The following TMIGD3 variants were observed in gnomAD, a reference collection of about 807,000 sequenced individuals.
TMIGD3 encodes the protein AD026 protein (AD026).
In TMIGD3, 21 loss-of-function variants were observed where a neutral mutation model predicts 28.1. The observed-to-expected ratio is 0.75, with a 90% CI of 0.53 to 1.08. The LOEUF (loss-of-function observed/expected upper bound fraction) is 1.08. TMIGD3 is among the 50% of genes least tolerant of loss of function. The pLI is 0.00. For missense variants in TMIGD3, 416 were observed against 435.6 expected, an observed-to-expected ratio of 0.96 and a Z score of 0.40; for synonymous variants, 151 against 162.1, an observed-to-expected ratio of 0.93 and a Z score of 0.52.
At chr1:111,499,537 C>T in intron 1 of TMIGD3, 1 of 1,002,438 alleles carries the variant, frequency 1.0e-6, no homozygotes, top group Non-Finnish European at 1.2e-6. Context: ...CCTAGGCATC[C>T]TCCGAGAGCA....
intron 1 of TMIGD3, among the ~76,000 whole-genome samples, chr1:111,544,109 A>C (rs1656949794): frequency 6.6e-6 from 1 of 152,230 alleles, no homozygotes; most frequent in African/African-American, 2.4e-5. Context: ...CTAAAATAGC[A>C]GGCTCCCTTT....
intron 1 of TMIGD3, among the ~76,000 whole-genome samples, chr1:111,509,182 G>A (rs868639999): frequency 6.6e-6 from 1 of 152,162 alleles, no homozygotes; most frequent in Non-Finnish European, 1.5e-5. Flanking sequence ...AGACCAGGAG[G>A]GATTTGCCAG....
At chr1:111,508,234 G>A (rs942267184), upstream of TMIGD3, among the ~76,000 whole-genome samples, 5 of 152,216 alleles carry the variant, frequency 3.3e-5, no homozygotes, top group African/African-American at 1.2e-4. Context: ...TCCAGGCCCT[G>A]GGGGAAAGAG....
chr1:111,523,146 A>G (rs1340476199), intron 1 of TMIGD3, among the ~76,000 whole-genome samples: 1 of 152,182 alleles, frequency 6.6e-6, no homozygotes, highest in Non-Finnish European at 1.5e-5. Flanking sequence ...TATCCCATTG[A>G]GAATGTTTTT....
chr1:111,488,613 C>T, intron 3 of TMIGD3, 64 bp downstream of exon 3: 1 of 1,469,372 alleles, frequency 6.8e-7, no homozygotes, highest in Non-Finnish European at 9.3e-7. Context: ...AGAGAGTGCT[C>T]TCTTAGCAGC....
chr1:111,549,532 C>T (rs938449604), intron 1 of TMIGD3, among the ~76,000 whole-genome samples: 1 of 151,684 alleles, frequency 6.6e-6, no homozygotes, highest in Non-Finnish European at 1.5e-5. Context: ...CGCCTGTAGT[C>T]CCAGCTACTA....
intron 1 of TMIGD3, among the ~76,000 whole-genome samples, chr1:111,518,050 C>T (rs997377500): frequency 1.6e-4 from 25 of 152,312 alleles, no homozygotes; most frequent in Middle Eastern, 6.8e-3. Context: ...TACTCAAGAA[C>T]ACATATGCAG....
At chr1:111,493,272 G>C (rs1002173457) in intron 1 of TMIGD3, among the ~76,000 whole-genome samples, 2 of 152,128 alleles carry the variant, frequency 1.3e-5, no homozygotes, top group Non-Finnish European at 1.5e-5. Flanking sequence ...AGGTCATGGG[G>C]GTGGATCCCT....
At position 111,519,506 on chromosome 1, in the gene TMIGD3, G is replaced by T. The variant is rs184121709; in HGVS notation, c.108-28744C>A. Among the ~76,000 whole-genome samples the T allele has an allele frequency of 3.3e-5, 5 of 152,274 alleles. No homozygotes were observed. In the East Asian group the frequency reaches 9.7e-4, roughly 29 times the overall value. The stretch of plus-strand genomic sequence containing the variant: ...AATCTTTATGAACACAAAATGGACT[G>T]AATTTGCAAATGACTCCACAGCCTG... On this transcript the variant is annotated intron_variant, in intron 1 of 5. Coordinates refer to the TMIGD3 transcript ENST00000369717.
upstream of TMIGD3, among the ~76,000 whole-genome samples, chr1:111,504,498 T>A (rs10776728): frequency 0.62 from 94,331 of 152,018 alleles, 29,799 homozygotes; most frequent in Middle Eastern, 0.74. Context: ...TGCACGCCAT[T>A]GTTATTTGGG....
chr1:111,517,383 C>A (rs1413783520), intron 1 of TMIGD3, among the ~76,000 whole-genome samples: 2 of 151,432 alleles, frequency 1.3e-5, no homozygotes, highest in Admixed American at 1.3e-4. Flanking sequence ...ATCCTGCTGT[C>A]TAGATTGCCT....
intron 1 of TMIGD3, among the ~76,000 whole-genome samples, chr1:111,563,361 A>T (rs1657822510): frequency 6.6e-6 from 1 of 152,226 alleles, no homozygotes; most frequent in Admixed American, 6.5e-5. Flanking sequence ...ATCTGGGGAG[A>T]TAAGACATTC....
At position 111,499,821 on chromosome 1, in the gene TMIGD3, G is replaced by T; in HGVS notation, c.350+3184C>A. 8 of 1,509,580 alleles carry T rather than the reference G, an allele frequency of 5.3e-6. No homozygotes were observed. In the South Asian group the frequency reaches 9.5e-5, roughly 18 times the overall value. The allele number at this position is 1,509,580 out of a possible 1,614,324, so 93.5% of individuals were successfully genotyped here. A position where few individuals can be genotyped will look rare whatever the true frequency, so the allele number is the denominator to read the frequency against. ...GGGGGAGATATAATTGGGGAGCACTGGAGATGCTCCCACCTCAGTGGAAGT... is the reference window on the plus strand; with the variant it reads ...GGGGGAGATATAATTGGGGAGCACTTGAGATGCTCCCACCTCAGTGGAAGT... On this transcript the variant is annotated intron_variant, in intron 1 of 5. Transcript: ENST00000369716.
intron 3 of TMIGD3, among the ~76,000 whole-genome samples, 200 bp from the exon 4 acceptor site, chr1:111,486,852 G>A (rs920582670): frequency 6.6e-6 from 1 of 152,170 alleles, no homozygotes; most frequent in Non-Finnish European, 1.5e-5. Context: ...AGCAGGGGCC[G>A]ACATTTAGCC....
intron 1 of TMIGD3, among the ~76,000 whole-genome samples, chr1:111,493,267 A>G (rs1447668934): frequency 6.6e-6 from 1 of 152,150 alleles, no homozygotes; most frequent in Non-Finnish European, 1.5e-5. Flanking sequence ...TGTTTAGGTC[A>G]TGGGGGTGGA....
intron 1 of TMIGD3, among the ~76,000 whole-genome samples, chr1:111,538,961 C>T (rs1044779089): frequency 7.9e-5 from 12 of 152,110 alleles, no homozygotes; most frequent in African/African-American, 2.9e-4. Flanking sequence ...TATTCTACAC[C>T]CCCAATGGGC....
At chr1:111,498,726 T>C (rs1655004735) in intron 1 of TMIGD3, among the ~76,000 whole-genome samples, 5 of 152,190 alleles carry the variant, frequency 3.3e-5, no homozygotes, top group Non-Finnish European at 7.3e-5. Flanking sequence ...ATCATTATAG[T>C]GGTACCTACC....
At chr1:111,555,256 T>C (rs978038657) in intron 1 of TMIGD3, among the ~76,000 whole-genome samples, 1 of 150,048 alleles carries the variant, frequency 6.7e-6, no homozygotes, top group Admixed American at 6.7e-5. Context: ...GTCTCAGCTA[T>C]TCAGGAGACT....
intron 1 of TMIGD3, among the ~76,000 whole-genome samples, chr1:111,513,281 A>C (rs1655752484): frequency 2.0e-5 from 3 of 152,244 alleles, no homozygotes; most frequent in Admixed American, 1.3e-4. Context: ...CACCTCCTGC[A>C]CAGGGTGTGA....
Sources: gnomAD v4.1 joint callset for allele counts (sites outside exome capture counted in the v4.1 genomes callset) on GRCh38, gnomAD v4.1.1 for gene constraint, MANE v1.5 for transcripts, NCBI Gene and HGNC (gene_info 2026-07-23, HGNC 2026-07-21) for gene names.